WASHC4: variants seen among roughly 807,000 people sequenced by gnomAD.
WASHC4 encodes WASH complex subunit 7.
WASHC4 carries 86 observed loss-of-function variants against 166.6 expected under a neutral mutation model. The ratio of observed to expected loss-of-function variants is 0.52; its 90% CI spans 0.43 to 0.62. The LOEUF is 0.62. Among genes scored for constraint, WASHC4 ranks in the 20% least tolerant of loss-of-function variants. WASHC4 has a pLI of 0.00. For missense variants in WASHC4, 1,262 were observed against 1,382.4 expected (o/e 0.91, Z 1.38); for synonymous variants, 446 against 451.6 (o/e 0.99, Z 0.16).
intron 24 of WASHC4, 58 bp downstream of exon 24, chr12:105,147,204 G>T (rs751276040): frequency 1.4e-4 from 140 of 995,288 alleles, no homozygotes; most frequent in Non-Finnish European, 2.1e-4. Context: ...AGCTTGGAAC[G>T]TGGTTTTCTC....
rs765241646 is a variant in WASHC4, at chr12:105,164,650, T to C, written c.3364T>C (p.Leu1122=). Residue 1122 remains leucine (L), a synonymous_variant, in exon 32 of 33, where the codon TTG becomes CTG. Coordinates refer to ENST00000332180, the MANE Select transcript of WASHC4 (RefSeq NM_015275.3). ...RLDVYLQEFE[L]LYFSLSSARI... is the part of the protein sequence containing the mutation. ...TTTTAAATTTACTTAGGAATTTGAA[T>C]TGCTGTATTTCTCACTGAGCAGTGC... 3.7e-6 allele frequency: 6 copies of C among 1,610,078 alleles called. No homozygotes were observed. The highest frequency in any genetic ancestry group is 1.3e-5 in the African/African-American group (1 of 74,850).
intron 26 of WASHC4, chr12:105,156,511 TTAATA>T (rs1884170699): frequency 3.8e-6 from 1 of 266,556 alleles, no homozygotes; most frequent in Admixed American, 4.9e-5. Flanking sequence ...TTTTAAATAT[TTAATA>T]TAGTTATATA....
In WASHC4 at chr12:105,141,038, C is replaced by T. The variant is rs1566015655; in HGVS notation, c.1700C>T (p.Thr567Ile). The T allele has an allele frequency of 1.2e-6, 2 of 1,614,108 alleles. No individual in the cohort carries two copies. The highest frequency in any genetic ancestry group is 1.3e-5 in the African/African-American group (1 of 75,034). Reference sequence around the variant, plus strand: ...GTTTCTTTGGCACTAAGTGTTGGCACACAAATGGTAAGTGTATTGCTATTA... The same window carrying T: ...GTTTCTTTGGCACTAAGTGTTGGCATACAAATGGTAAGTGTATTGCTATTA... Reference protein sequence around the residue: ...LIVSLALSVGTQMKTFKDEEL... With the variant: ...LIVSLALSVGIQMKTFKDEEL... Residue 567 changes from threonine to isoleucine, a missense_variant, in exon 17 of 33, where the codon ACA (threonine) becomes ATA (isoleucine). Thr to Ile is a moderately conservative substitution (Grantham distance 89). Coordinates refer to ENST00000332180, the MANE Select transcript of WASHC4 (RefSeq NM_015275.3).
At chr12:105,112,705 T>A (rs1282865895) in intron 2 of WASHC4, among the ~76,000 whole-genome samples, 1 of 152,200 alleles carries the variant, frequency 6.6e-6, no homozygotes, top group Non-Finnish European at 1.5e-5. Context: ...CTGTTTTCTT[T>A]GGAGAAATGT....
At chr12:105,146,234 C>T (rs11112388) in intron 22 of WASHC4, among the ~76,000 whole-genome samples, 26,192 of 151,922 alleles carry the variant, frequency 0.17, 2,478 homozygotes, top group East Asian at 0.25. Context: ...CTTAACTGTT[C>T]CTGTCTGCAC....
intron 6 of WASHC4, among the ~76,000 whole-genome samples, chr12:105,116,811 G>A (rs1565994376): frequency 6.6e-6 from 1 of 152,162 alleles, no homozygotes; most frequent in Non-Finnish European, 1.5e-5. Context: ...AGAAAATACT[G>A]AGGTGTAGTC....
At chr12:105,107,982 G>C in intron 1 of WASHC4, 121 bp downstream of exon 1, 2 of 775,288 alleles carry the variant, frequency 2.6e-6, no homozygotes, top group Non-Finnish European at 4.4e-6. Flanking sequence ...GGACACTTCA[G>C]AGCCCTTGGG....
At chr12:105,124,728 CTCAGCCTCCCAA>C (rs1463930645) in intron 10 of WASHC4, among the ~76,000 whole-genome samples, 1 of 152,170 alleles carries the variant, frequency 6.6e-6, no homozygotes, top group African/African-American at 2.4e-5. Context: ...ATCTGCCCAC[CTCAGCCTCCCAA>C]AGTCCTGGGA....
chr12:105,166,154 C>A (rs779963602), intron 32 of WASHC4, among the ~76,000 whole-genome samples: 6 of 152,200 alleles, frequency 3.9e-5, no homozygotes, highest in African/African-American at 1.4e-4. Flanking sequence ...TTAAGGAACT[C>A]TCCAGAGTTG....
chr12:105,162,987 C>A, intron 30 of WASHC4, 142 bp downstream of exon 30: 1 of 524,030 alleles, frequency 1.9e-6, no homozygotes, highest in Non-Finnish European at 3.4e-6. Flanking sequence ...GAGACAGAGT[C>A]TCGTCTCGCT....
rs1014808766 is a variant in WASHC4, at chr12:105,167,558, T to C, written c.*627T>C. 6.6e-6 allele frequency: 1 copy of C among 152,640 alleles called. No homozygotes were observed. Among genetic ancestry groups the C allele is most frequent in the Non-Finnish European group, 1.5e-5 (1 of 68,054 alleles). 9.5% of individuals were successfully genotyped at this position (152,640 alleles called of 1,614,324 possible). On this transcript the variant is annotated 3_prime_UTR_variant, in exon 33 of 33. Coordinates refer to ENST00000332180, the MANE Select transcript of WASHC4 (RefSeq NM_015275.3). ...TTGATGAGACATTTTATAACTAGTT[T>C]ACATTGCTTTGAGAACATTTAACCT...
At chr12:105,151,968 T>C (rs1202443935) in intron 25 of WASHC4, among the ~76,000 whole-genome samples, 3 of 152,194 alleles carry the variant, frequency 2.0e-5, no homozygotes, top group African/African-American at 7.2e-5. Flanking sequence ...CGTGTGTTCA[T>C]TGAGAAGGAG....
chr12:105,142,879 C>G (rs1352212549), intron 19 of WASHC4, among the ~76,000 whole-genome samples: 2 of 151,884 alleles, frequency 1.3e-5, no homozygotes, highest in Non-Finnish European at 2.9e-5. Context: ...TCATATTTTT[C>G]TTTATGGAAA....
Position 105,156,733 on chromosome 12 carries a change from T to C in WASHC4, c.2766T>C (p.Ala922=), listed in dbSNP as rs1406650743. The change falls in exon 27 of 33, where the codon GCT becomes GCC. Residue 922 remains alanine (A), a synonymous_variant. Coordinates refer to ENST00000332180, the MANE Select transcript of WASHC4 (RefSeq NM_015275.3). ...TTTTGTGTGGTTTTTAAGGTAATGC[T>C]ATGGGCTATGTACGAATGATAAGAT... ...FRQLISQIGN[A]MGYVRMIRSG... 6.2e-7 allele frequency: 1 copy of C among 1,610,808 alleles called. No individual in the cohort carries two copies. Among genetic ancestry groups the C allele is most frequent in the Non-Finnish European group, 8.5e-7 (1 of 1,177,450 alleles).
intron 29 of WASHC4, among the ~76,000 whole-genome samples, chr12:105,162,484 C>T (rs1028294495): frequency 5.3e-5 from 8 of 152,072 alleles, no homozygotes; most frequent in Non-Finnish European, 1.0e-4. Flanking sequence ...ATACAAGGCA[C>T]TGTTCTTGGG....
chr12:105,167,042 A>G lies in WASHC4; in HGVS notation c.*111A>G, dbSNP rs571399610. On this transcript the variant is annotated 3_prime_UTR_variant, in exon 33 of 33. Transcript: ENST00000332180. Reference sequence around the variant, plus strand: ...TGTTTCCTGGGTCACATCTCTGGAAAATAGATGTTACAGTTCTTAAAGGCA... The same window carrying G: ...TGTTTCCTGGGTCACATCTCTGGAAGATAGATGTTACAGTTCTTAAAGGCA... 13 of 773,178 alleles carry G rather than the reference A, an allele frequency of 1.7e-5. No individual in the cohort carries two copies. The highest frequency in any genetic ancestry group is 9.0e-5 in the Admixed American group (5 of 55,658). 47.9% of individuals were successfully genotyped at this position (773,178 alleles called of 1,614,324 possible). A position where few individuals can be genotyped will look rare whatever the true frequency, so the allele number is the denominator to read the frequency against.
chr12:105,152,308 CTT>C (rs1248294402), intron 25 of WASHC4, 33 bp from the exon 26 acceptor site: 1 of 1,067,130 alleles, frequency 9.4e-7, no homozygotes, highest in East Asian at 2.4e-5. Flanking sequence ...CTTTAGAAAT[CTT>C]TATTAAAAGT....
chr12:105,107,908 C>T, intron 1 of WASHC4, 47 bp downstream of exon 1: 1 of 1,411,630 alleles, frequency 7.1e-7, no homozygotes, highest in Non-Finnish European at 9.8e-7. Flanking sequence ...CTCCTTCGGC[C>T]CGCCGCTGTT....
At chr12:105,146,385 G>A in intron 22 of WASHC4, 67 bp from the exon 23 acceptor site, 2 of 936,378 alleles carry the variant, frequency 2.1e-6, no homozygotes, top group South Asian at 1.3e-5. Context: ...AAGTCATTAT[G>A]CTGATACAAG....
Sources: allele counts gnomAD v4.1 joint callset (sites outside exome capture counted in the v4.1 genomes callset), GRCh38; gene constraint gnomAD v4.1.1; transcripts MANE v1.5; gene names NCBI Gene and HGNC (gene_info 2026-07-23, HGNC 2026-07-21).